The following INPP5A variants were observed in gnomAD, a reference collection of about 807,000 sequenced individuals.
INPP5A encodes inositol polyphosphate-5-phosphatase A, also known as 43 kDa inositol polyphosphate 5-phophatase.
Under a neutral mutation model 65.2 loss-of-function variants are expected in INPP5A, and 14 were observed. The ratio of observed to expected loss-of-function variants is 0.21; its 90% CI spans 0.14 to 0.34. The LOEUF is 0.34. Ranked by LOEUF, INPP5A falls within the 10% of genes least tolerant of loss-of-function variation. INPP5A has a pLI of 1.00. For synonymous variants in INPP5A, 207 were observed against 208.3 expected (o/e 0.99, Z 0.05); for missense variants, 431 against 545.6 (o/e 0.79, Z 2.09).
At chr10:132,673,733 A>G (rs1262769861) in intron 4 of INPP5A, among the ~76,000 whole-genome samples, 1 of 152,226 alleles carries the variant, frequency 6.6e-6, no homozygotes, top group Non-Finnish European at 1.5e-5. Flanking sequence ...TGCATGCAGG[A>G]TAGGCAAACC....
chr10:132,696,425 T>C (rs1173395713), intron 5 of INPP5A, among the ~76,000 whole-genome samples: 3 of 152,220 alleles, frequency 2.0e-5, no homozygotes, highest in Non-Finnish European at 4.4e-5. Flanking sequence ...CTTGCTGTTC[T>C]GCCTTGTGGG....
At position 132,741,889 on chromosome 10, in the gene INPP5A, G is replaced by A. The variant is rs547464363; in HGVS notation, c.733-7628G>A. Among the ~76,000 whole-genome samples the A allele has an allele frequency of 2.0e-5, 3 of 152,282 alleles. No individual in the cohort carries two copies. Among genetic ancestry groups the A allele is most frequent in the South Asian group, 4.1e-4 (2 of 4,828 alleles). ...AACTGCAGCTGGCTGCAGCACCCAC[G>A]AATGGCTTCTTTCCGAGATGTGGCC... is the stretch of plus-strand genomic sequence containing the variant. On this transcript the variant is annotated intron_variant, in intron 9 of 15. Coordinates refer to ENST00000368594, the MANE Select transcript of INPP5A (RefSeq NM_005539.5). This position sits in a 1 kb window ranked among gnomAD's most constrained non-coding sequence, Gnocchi z 4.4.
In INPP5A at chr10:132,720,359, T is replaced by C. The variant is rs1262210242; in HGVS notation, c.648-6462T>C. 5.4e-5 allele frequency among the ~76,000 whole-genome samples: 8 copies of C among 147,058 alleles called. No individual in the cohort carries two copies. The East Asian group carries it at 1.2e-3, about 22-fold the overall frequency. On this transcript the variant is annotated intron_variant, in intron 8 of 15. Transcript: ENST00000368594. ...CGCCTTAGACAGCTGTCTTCAGGGT[T>C]CTGTGGTACCTGGGTTCTGTCTGGG... is the stretch of plus-strand genomic sequence containing the variant.
rs770884410 is a variant in INPP5A at position 132,782,007 on chromosome 10, TC to T, written c.*8-28del. On this transcript the variant is annotated intron_variant, in intron 15 of 15. Coordinates refer to ENST00000368594, the MANE Select transcript of INPP5A (RefSeq NM_005539.5). The surrounding 1 kb of genome is among the most constrained non-coding windows in gnomAD (Gnocchi z 4.4). ...ACGCAGCTTTTCCTGGTGCGTTTGT[TC>T]CTTTAACAAATTACGAATTCCGTGA... is the stretch of plus-strand genomic sequence containing the variant. 1 of 1,611,760 alleles carries T rather than the reference TC, an allele frequency of 6.2e-7. No homozygotes were observed. The highest frequency in any genetic ancestry group is 8.5e-7 in the Non-Finnish European group (1 of 1,178,878).
At chr10:132,740,572 T>A (rs1418276804) in intron 9 of INPP5A, among the ~76,000 whole-genome samples, 1 of 152,242 alleles carries the variant, frequency 6.6e-6, no homozygotes, top group African/African-American at 2.4e-5. Flanking sequence ...TTAACTCGTT[T>A]TAAGGAAAAC....
At chr10:132,672,697 C>A (rs1286504938) in intron 4 of INPP5A, among the ~76,000 whole-genome samples, 6 of 152,220 alleles carry the variant, frequency 3.9e-5, no homozygotes, top group Non-Finnish European at 5.9e-5. Flanking sequence ...AATACAAGGT[C>A]TTTCCTAAGT....
At chr10:132,694,364 T>G (rs1263593820) in intron 5 of INPP5A, among the ~76,000 whole-genome samples, 1 of 152,174 alleles carries the variant, frequency 6.6e-6, no homozygotes, top group Non-Finnish European at 1.5e-5. Flanking sequence ...CATGGGATAT[T>G]AGCAAAAGTA....
chr10:132,754,179 C>T (rs1309792158), intron 11 of INPP5A, among the ~76,000 whole-genome samples: 3 of 152,238 alleles, frequency 2.0e-5, no homozygotes, highest in Non-Finnish European at 4.4e-5. Context: ...GCCACCTGGC[C>T]GCCATGGTCC....
chr10:132,763,266 C>T (rs892599920), intron 11 of INPP5A, among the ~76,000 whole-genome samples: 1 of 152,224 alleles, frequency 6.6e-6, no homozygotes. Flanking sequence ...CTCCTAGTCT[C>T]ATAGCTGGTG....
In INPP5A at chr10:132,704,093, G is replaced by A. The variant is rs909545969; in HGVS notation, c.475-4220G>A. Among the ~76,000 whole-genome samples the A allele has an allele frequency of 6.6e-6, 1 of 151,768 alleles. No homozygotes were observed. The highest frequency in any genetic ancestry group is 2.4e-5 in the African/African-American group (1 of 41,256). On this transcript the variant is annotated intron_variant, in intron 6 of 15. Coordinates refer to ENST00000368594, the MANE Select transcript of INPP5A (RefSeq NM_005539.5). This position sits in a 1 kb window ranked among gnomAD's most constrained non-coding sequence, Gnocchi z 4.5. ...CTGAAGGCTTGGCCTGATCTCTGCT[G>A]CAGCATCTGGTTCCCAAAGCATGTC...
intron 7 of INPP5A, among the ~76,000 whole-genome samples, chr10:132,709,139 C>T (rs992863686): frequency 1.3e-5 from 2 of 151,358 alleles, no homozygotes; most frequent in Non-Finnish European, 2.9e-5. Context: ...TTCCAGAGGA[C>T]TCATCTCCGA....
chr10:132,758,513 G>A (rs1846672294), intron 11 of INPP5A, among the ~76,000 whole-genome samples: 1 of 123,314 alleles, frequency 8.1e-6, no homozygotes, highest in Admixed American at 7.9e-5. Flanking sequence ...GTGCCCGGCC[G>A]ACCCCACAGC....
In INPP5A at chr10:132,698,001, C is replaced by A; in HGVS notation, c.474+82C>A. 1 of 873,762 alleles carries A rather than the reference C, an allele frequency of 1.1e-6. No homozygotes were observed. Among genetic ancestry groups the A allele is most frequent in the Non-Finnish European group, 1.9e-6 (1 of 526,786 alleles). The allele number at this position is 873,762 out of a possible 1,614,324, so 54.1% of individuals were successfully genotyped here. On this transcript the variant is annotated intron_variant, in intron 6 of 15. Coordinates refer to ENST00000368594, the MANE Select transcript of INPP5A (RefSeq NM_005539.5). The surrounding 1 kb of genome is among the most constrained non-coding windows in gnomAD (Gnocchi z 5.5). Reference sequence around the variant, plus strand: ...AGTGACATGGAACACGGAATTTTCGCATTGCACTGTTACTAGTCACAGCTG... The same window carrying A: ...AGTGACATGGAACACGGAATTTTCGAATTGCACTGTTACTAGTCACAGCTG...
At chr10:132,568,410 C>T (rs1426622410) in intron 1 of INPP5A, among the ~76,000 whole-genome samples, 1 of 151,944 alleles carries the variant, frequency 6.6e-6, no homozygotes, top group Non-Finnish European at 1.5e-5. Context: ...ATTAAAGCCT[C>T]AAGTTTTCCA....
chr10:132,611,072 C>CATGGG (rs2071939805), intron 2 of INPP5A, among the ~76,000 whole-genome samples: 1 of 102,566 alleles, frequency 9.7e-6, no homozygotes, highest in African/African-American at 3.9e-5. Context: ...TTGGGCAGGG[C>CATGGG]AGAGGCCCTG....
intron 1 of INPP5A, among the ~76,000 whole-genome samples, chr10:132,591,166 A>G (rs1293124701): frequency 2.0e-5 from 3 of 152,220 alleles, no homozygotes; most frequent in Non-Finnish European, 4.4e-5. Flanking sequence ...TTCAATTGCA[A>G]GAAGATTAAT....
intron 1 of INPP5A, among the ~76,000 whole-genome samples, chr10:132,585,204 C>T (rs2071532301): frequency 6.6e-6 from 1 of 152,054 alleles, no homozygotes; most frequent in African/African-American, 2.4e-5. Context: ...TTTTTTTATA[C>T]AAAGTTATTA....
intron 9 of INPP5A, among the ~76,000 whole-genome samples, chr10:132,748,067 T>C (rs914817474): frequency 1.3e-5 from 2 of 152,170 alleles, no homozygotes; most frequent in Non-Finnish European, 2.9e-5. Context: ...ATTTTTTTTA[T>C]TAAAAACAAG....
intron 2 of INPP5A, among the ~76,000 whole-genome samples, chr10:132,642,542 C>T (rs780113036): frequency 3.9e-5 from 6 of 152,220 alleles, no homozygotes; most frequent in Non-Finnish European, 7.3e-5. Flanking sequence ...CACATCTTTT[C>T]TTGTGATGGC....
Sources: allele counts gnomAD v4.1 joint callset (sites outside exome capture counted in the v4.1 genomes callset), GRCh38; gene constraint gnomAD v4.1.1; non-coding constraint Gnocchi (gnomAD v3.1); transcripts MANE v1.5; gene names NCBI Gene and HGNC (gene_info 2026-07-23, HGNC 2026-07-21).